TTC17: variants seen among roughly 807,000 people sequenced by gnomAD.
The protein encoded by TTC17 is tetratricopeptide repeat domain 17, also known as tetratricopeptide repeat protein 17.
Under a neutral mutation model 143.8 loss-of-function variants are expected in TTC17, and 58 were observed. That is an observed-to-expected ratio of 0.40 (90% CI 0.33 to 0.50). The LOEUF (loss-of-function observed/expected upper bound fraction) is 0.50. TTC17 is among the 20% of genes least tolerant of loss of function. TTC17 has a pLI of 0.49. For synonymous variants in TTC17, 501 were observed against 497.8 expected (o/e 1.01, Z -0.09); for missense variants, 1,273 against 1,392.5 (o/e 0.91, Z 1.37).
intron 5 of TTC17, among the ~76,000 whole-genome samples, chr11:43,395,053 G>T (rs929158256): frequency 6.7e-6 from 1 of 150,160 alleles, no homozygotes; most frequent in African/African-American, 2.4e-5. Context: ...AGTATGCTAT[G>T]ATATATATTT....
At chr11:43,477,433 C>T (rs1948205502) in intron 21 of TTC17, among the ~76,000 whole-genome samples, 1 of 152,158 alleles carries the variant, frequency 6.6e-6, no homozygotes, top group Admixed American at 6.6e-5. Context: ...TAAAGACATA[C>T]CCAAAACCAG....
chr11:43,364,047 C>CTTTT (rs71308379), intron 1 of TTC17, among the ~76,000 whole-genome samples: 22 of 94,458 alleles, frequency 2.3e-4, no homozygotes, highest in African/African-American at 7.5e-4. Flanking sequence ...TACAGATCCT[C>CTTTT]TTTTTTTTTT....
chr11:43,470,707 T>C (rs1269990635), intron 21 of TTC17, among the ~76,000 whole-genome samples: 3 of 152,220 alleles, frequency 2.0e-5, no homozygotes, highest in Admixed American at 2.0e-4. Flanking sequence ...AGATAGGAAT[T>C]ACCTGGAGGC....
At chr11:43,359,934 G>T (rs1019132443) in intron 1 of TTC17, among the ~76,000 whole-genome samples, 1 of 152,202 alleles carries the variant, frequency 6.6e-6, no homozygotes, top group African/African-American at 2.4e-5. Context: ...TGCTGCTGAT[G>T]CCTAACGAGT....
chr11:43,388,805 C>G (rs1857266840), intron 2 of TTC17, among the ~76,000 whole-genome samples: 1 of 150,144 alleles, frequency 6.7e-6, no homozygotes, highest in South Asian at 2.1e-4. Context: ...AAAACCCCAT[C>G]TGTATGGAAA....
At chr11:43,482,017 C>G (rs1037538376) in intron 21 of TTC17, among the ~76,000 whole-genome samples, 1 of 151,966 alleles carries the variant, frequency 6.6e-6, no homozygotes, top group Admixed American at 6.6e-5. Context: ...ACCATGTTGC[C>G]CAGGTCAGTC....
chr11:43,424,677 G>A (rs1224669884), intron 16 of TTC17, among the ~76,000 whole-genome samples: 2 of 152,100 alleles, frequency 1.3e-5, no homozygotes, highest in Admixed American at 1.3e-4. Flanking sequence ...GGCTGAGGCA[G>A]GAGAATTGCT....
intron 7 of TTC17, 35 bp from the exon 8 acceptor site, chr11:43,397,939 T>TGGTG: frequency 6.3e-7 from 1 of 1,593,974 alleles, no homozygotes; most frequent in Non-Finnish European, 8.5e-7. Context: ...TGTGTGTGTG[T>TGGTG]GTGTGTGTGT....
intron 16 of TTC17, among the ~76,000 whole-genome samples, chr11:43,434,747 C>T (rs547199547): frequency 6.6e-6 from 1 of 152,244 alleles, no homozygotes; most frequent in South Asian, 2.1e-4. Context: ...AGTTGTTTGT[C>T]GATTTCTTGA....
intron 21 of TTC17, among the ~76,000 whole-genome samples, chr11:43,455,751 C>A (rs1324454949): frequency 6.6e-6 from 1 of 152,008 alleles, no homozygotes; most frequent in Non-Finnish European, 1.5e-5. Flanking sequence ...CCAAAAAGCA[C>A]ACTAGGCCCA....
At chr11:43,419,031 A>ATGTATT (rs1946841321) in intron 16 of TTC17, among the ~76,000 whole-genome samples, 2 of 152,174 alleles carry the variant, frequency 1.3e-5, no homozygotes, top group South Asian at 4.1e-4. Context: ...AATAGGTTCT[A>ATGTATT]TGTATTAGAA....
intron 2 of TTC17, among the ~76,000 whole-genome samples, chr11:43,387,192 T>C (rs907587574): frequency 6.6e-6 from 1 of 152,230 alleles, no homozygotes; most frequent in African/African-American, 2.4e-5. Flanking sequence ...TGTTCAATCT[T>C]ATTAAATATT....
intron 1 of TTC17, among the ~76,000 whole-genome samples, chr11:43,371,955 C>T (rs1022637905): frequency 3.3e-5 from 5 of 152,116 alleles, no homozygotes; most frequent in African/African-American, 4.8e-5. Flanking sequence ...ACCTGTAGTC[C>T]CAGTTACTCC....
intron 21 of TTC17, 96 bp from the exon 22 acceptor site, chr11:43,490,143 G>C (rs1215232046): frequency 6.7e-7 from 1 of 1,497,592 alleles, no homozygotes; most frequent in Non-Finnish European, 9.0e-7. Flanking sequence ...TAAATACTCA[G>C]TTGAATGGTC....
intron 2 of TTC17, among the ~76,000 whole-genome samples, chr11:43,381,594 A>G (rs182171200): frequency 2.8e-4 from 43 of 152,322 alleles, no homozygotes; most frequent in African/African-American, 9.9e-4. Flanking sequence ...CTGATAACCA[A>G]AAAAAGGAAC....
rs1352130765 is a variant in TTC17 at position 43,444,131 on chromosome 11, G to A, written c.2587G>A (p.Gly863Ser). 6.2e-7 allele frequency: 1 copy of A among 1,613,126 alleles called. No individual in the cohort carries two copies. Among genetic ancestry groups the A allele is most frequent in the East Asian group, 2.2e-5 (1 of 44,796 alleles). Residue 863 changes from glycine (G) to serine (S), a missense_variant, in exon 18 of 24, where the codon GGT becomes AGT. Around this residue, in one of 3 missense-constraint regions of TTC17, gnomAD observed 878 missense variants for 899.8 expected, o/e 0.98. Transcript: ENST00000039989. ...AACTCCTGGGAAAAAAGTAGAAACA[G>A]GTCAGATAGAAAATGGACATCGTTA... is the stretch of plus-strand genomic sequence containing the variant. ...KKTPGKKVET[G>S]QIENGHRYQA...
chr11:43,434,742 T>G (rs995362460), intron 16 of TTC17, among the ~76,000 whole-genome samples: 2 of 152,228 alleles, frequency 1.3e-5, no homozygotes, highest in East Asian at 3.8e-4. Context: ...CCCCAAGTTG[T>G]TTGTCGATTT....
intron 1 of TTC17, among the ~76,000 whole-genome samples, chr11:43,374,432 TTAAAC>T (rs1312077646): frequency 6.6e-6 from 1 of 152,016 alleles, no homozygotes; most frequent in Non-Finnish European, 1.5e-5. Flanking sequence ...TGGGACCTAA[TTAAAC>T]TAAAAAGCTT....
At chr11:43,409,238 C>T (rs537667268) in intron 15 of TTC17, among the ~76,000 whole-genome samples, 2 of 152,256 alleles carry the variant, frequency 1.3e-5, no homozygotes, top group East Asian at 1.9e-4. Context: ...TATGCCACAA[C>T]CTATTTTTCT....
Sources: gnomAD v4.1 joint callset for allele counts (sites outside exome capture counted in the v4.1 genomes callset) on GRCh38, gnomAD v4.1.1 for gene constraint, gnomAD v4.1.1 regional missense constraint, MANE v1.5 for transcripts, NCBI Gene and HGNC (gene_info 2026-07-23, HGNC 2026-07-21) for gene names.